The following PLCB1 variants were observed in gnomAD, a reference collection of about 807,000 sequenced individuals.
PLCB1 encodes 1-phosphatidylinositol 4,5-bisphosphate phosphodiesterase beta-1.
A neutral mutation model predicts 161.8 loss-of-function variants in PLCB1; 46 were observed. The ratio of observed to expected loss-of-function variants is 0.28; its 90% CI spans 0.22 to 0.36. The LOEUF (loss-of-function observed/expected upper bound fraction) is 0.36. Ranked by LOEUF, PLCB1 falls within the 10% of genes least tolerant of loss-of-function variation. The pLI, the probability that PLCB1 is intolerant of heterozygous loss-of-function variation, is 1.00. For missense variants in PLCB1, 1,016 were observed against 1,472.5 expected, an observed-to-expected ratio of 0.69 and a Z score of 5.07; for synonymous variants, 517 against 503.7, an observed-to-expected ratio of 1.03 and a Z score of -0.35.
chr20:8,178,492 G>C (rs1021947464), intron 2 of PLCB1, among the ~76,000 whole-genome samples: 1 of 152,102 alleles, frequency 6.6e-6, no homozygotes, highest in Non-Finnish European at 1.5e-5. Flanking sequence ...TAATGGGGTT[G>C]TTTGCTTTTT....
chr20:8,564,809 A>C (rs1047049941), intron 3 of PLCB1, among the ~76,000 whole-genome samples: 3 of 152,222 alleles, frequency 2.0e-5, no homozygotes, highest in African/African-American at 4.8e-5. Context: ...ACCAGTTGGA[A>C]TGGCAATCAT....
intron 3 of PLCB1, among the ~76,000 whole-genome samples, chr20:8,447,189 T>C (rs1980873793): frequency 1.3e-5 from 2 of 152,170 alleles, no homozygotes. Flanking sequence ...ATGCTGCCAC[T>C]TAGGGGCACT....
chr20:8,293,497 G>A (rs1983478073), intron 2 of PLCB1, among the ~76,000 whole-genome samples: 1 of 152,104 alleles, frequency 6.6e-6, no homozygotes, highest in Admixed American at 6.6e-5. Context: ...AGCACTTCAA[G>A]GATGACATTC....
intron 2 of PLCB1, among the ~76,000 whole-genome samples, chr20:8,322,927 A>G (rs1160369109): frequency 6.6e-6 from 1 of 152,194 alleles, no homozygotes; most frequent in Non-Finnish European, 1.5e-5. Context: ...CAGAACTGAC[A>G]TAAAAAATAT....
At chr20:8,635,599 A>T (rs1175896279) in intron 4 of PLCB1, among the ~76,000 whole-genome samples, 1 of 152,138 alleles carries the variant, frequency 6.6e-6, no homozygotes, top group Admixed American at 6.5e-5. Context: ...AGTTACTGTG[A>T]CTGTCACTTC....
intron 31 of PLCB1, among the ~76,000 whole-genome samples, chr20:8,804,096 C>T (rs1416351876): frequency 6.6e-6 from 1 of 151,950 alleles, no homozygotes; most frequent in African/African-American, 2.4e-5. Flanking sequence ...CCTGGCCTGC[C>T]CTGGTAGTTT....
chr20:8,332,053 G>A (rs1985386193), intron 2 of PLCB1, among the ~76,000 whole-genome samples: 2 of 152,220 alleles, frequency 1.3e-5, no homozygotes, highest in African/African-American at 4.8e-5. Context: ...GGTGCCGGGT[G>A]TCTGTTCTTA....
intron 10 of PLCB1, among the ~76,000 whole-genome samples, chr20:8,691,478 T>G (rs1484430622): frequency 2.0e-5 from 3 of 152,144 alleles, no homozygotes; most frequent in Non-Finnish European, 2.9e-5. Context: ...GCACCTACCG[T>G]AATGTGTTTT....
At chr20:8,647,801 A>G in intron 5 of PLCB1, 99 bp from the exon 6 acceptor site, 1 of 896,624 alleles carries the variant, frequency 1.1e-6, no homozygotes, top group South Asian at 1.4e-5. Flanking sequence ...ATTCAGCAAA[A>G]TGTACAAAGG....
intron 30 of PLCB1, 136 bp from the exon 31 acceptor site, chr20:8,790,039 T>C (rs991747528): frequency 1.6e-5 from 10 of 632,144 alleles, no homozygotes. Flanking sequence ...TTTCCTATAC[T>C]TGTAAGTGTA....
chr20:8,601,074 G>A lies in PLCB1; in HGVS notation c.247-27220G>A, dbSNP rs564566067. On this transcript the variant is annotated intron_variant, in intron 3 of 31. Coordinates refer to ENST00000338037, the MANE Select transcript of PLCB1 (RefSeq NM_015192.4). ...ATCACCCGTCTTCTGCGTCGCTCAC[G>A]CTGGGAGCTGTAGACCGGAGCTGTT... Among the ~76,000 whole-genome samples the A allele has an allele frequency of 4.6e-5, 7 of 152,250 alleles. No individual in the cohort carries two copies. The South Asian group carries it at 8.3e-4, about 18-fold the overall frequency.
At chr20:8,736,963 T>G in intron 19 of PLCB1, 65 bp from the exon 20 acceptor site, 2 of 1,251,684 alleles carry the variant, frequency 1.6e-6, no homozygotes, top group Non-Finnish European at 2.3e-6. Flanking sequence ...TAAAGTATTC[T>G]CTTATGTCTT....
At chr20:8,301,891 C>G (rs893254513) in intron 2 of PLCB1, among the ~76,000 whole-genome samples, 1 of 152,226 alleles carries the variant, frequency 6.6e-6, no homozygotes, top group South Asian at 2.1e-4. Flanking sequence ...GCTTTGGCAT[C>G]AGACTGCCTT....
At chr20:8,222,935 GA>G (rs1291537876) in intron 2 of PLCB1, among the ~76,000 whole-genome samples, 1 of 151,950 alleles carries the variant, frequency 6.6e-6, no homozygotes, top group African/African-American at 2.4e-5. Flanking sequence ...AATAGTATTT[GA>G]TTAGCTAAAT....
chr20:8,670,262 C>A (rs185336556), intron 9 of PLCB1, among the ~76,000 whole-genome samples: 1 of 152,334 alleles, frequency 6.6e-6, no homozygotes, highest in East Asian at 1.9e-4. Flanking sequence ...ATAAAACTGT[C>A]TTCTGCCTAC....
chr20:8,475,662 G>A (rs1982246510), intron 3 of PLCB1, among the ~76,000 whole-genome samples: 1 of 152,092 alleles, frequency 6.6e-6, no homozygotes, highest in African/African-American at 2.4e-5. Flanking sequence ...ATTGGTGTAT[G>A]TAAAGGATTT....
intron 31 of PLCB1, among the ~76,000 whole-genome samples, chr20:8,859,496 T>G (rs35509546): frequency 0.13 from 20,268 of 152,236 alleles, 1,583 homozygotes; most frequent in South Asian, 0.23. Flanking sequence ...CTTTCTAAAG[T>G]TCTGCTCTCC....
intron 2 of PLCB1, among the ~76,000 whole-genome samples, chr20:8,350,314 C>T (rs1986142449): frequency 6.6e-6 from 1 of 152,186 alleles, no homozygotes; most frequent in Non-Finnish European, 1.5e-5. Flanking sequence ...CATCATTCAG[C>T]TTCCACTCAT....
At chr20:8,680,530 G>A (rs1990186465) in intron 9 of PLCB1, among the ~76,000 whole-genome samples, 1 of 152,080 alleles carries the variant, frequency 6.6e-6, no homozygotes, top group African/African-American at 2.4e-5. Flanking sequence ...CCTTTTGTTA[G>A]CAAGGCAAAG....
Sources: gnomAD v4.1 joint callset for allele counts (sites outside exome capture counted in the v4.1 genomes callset) on GRCh38, gnomAD v4.1.1 for gene constraint, MANE v1.5 for transcripts, NCBI Gene and HGNC (gene_info 2026-07-23, HGNC 2026-07-21) for gene names.